The following KIFAP3 variants were observed in gnomAD, a reference collection of about 807,000 sequenced individuals.
KIFAP3 encodes the protein kinesin associated protein 3, also known as kinesin-associated protein 3.
A neutral mutation model predicts 106.5 loss-of-function variants in KIFAP3; 68 were observed. The ratio of observed to expected loss-of-function variants is 0.64; its 90% CI spans 0.53 to 0.78. The LOEUF (loss-of-function observed/expected upper bound fraction) is 0.78, where lower values mean the gene tolerates loss of function less well. Ranked by LOEUF, KIFAP3 falls within the 30% of genes least tolerant of loss-of-function variation. The probability of loss-of-function intolerance (pLI) is 0.00; values close to 1 mark genes in which losing one functional copy is unlikely to be tolerated. For synonymous variants in KIFAP3, 320 were observed against 311.5 expected (o/e 1.03, Z -0.29); for missense variants, 780 against 941.8 (o/e 0.83, Z 2.25).
At chr1:169,980,658 T>G (rs1435204709) in intron 15 of KIFAP3, among the ~76,000 whole-genome samples, 1 of 152,172 alleles carries the variant, frequency 6.6e-6, no homozygotes, top group African/African-American at 2.4e-5. Context: ...AACTAAGAAA[T>G]TTCAGAGGAC....
At chr1:169,983,014 A>G in intron 13 of KIFAP3, 147 bp from the exon 14 acceptor site, 1 of 588,748 alleles carries the variant, frequency 1.7e-6, no homozygotes, top group South Asian at 5.4e-5. Flanking sequence ...CTAAATTGCT[A>G]AAGAAGCCTA....
At chr1:170,002,240 T>A (rs1667701161) in intron 10 of KIFAP3, among the ~76,000 whole-genome samples, 1 of 152,158 alleles carries the variant, frequency 6.6e-6, no homozygotes, top group Non-Finnish European at 1.5e-5. Flanking sequence ...CAAACCCATA[T>A]TACCTAAATG....
intron 10 of KIFAP3, among the ~76,000 whole-genome samples, chr1:170,013,750 T>C (rs535563710): frequency 6.6e-6 from 1 of 152,262 alleles, no homozygotes; most frequent in East Asian, 1.9e-4. Flanking sequence ...TTCTTGCTCA[T>C]CAATGTTCCA....
intron 19 of KIFAP3, among the ~76,000 whole-genome samples, chr1:169,924,114 T>C (rs777157221): frequency 2.3e-4 from 35 of 152,370 alleles, no homozygotes; most frequent in Non-Finnish European, 3.8e-4. Flanking sequence ...ATAACTTTCA[T>C]TGTACATTAA....
Position 169,961,306 on chromosome 1 carries a change from A to G in KIFAP3, c.1984-71T>C, listed in dbSNP as rs528387749. 2,493 of 1,238,364 alleles carry G rather than the reference A, an allele frequency of 2.0e-3. 5 individuals are homozygous for G. Among genetic ancestry groups the G allele is most frequent in the Non-Finnish European group, 2.2e-3 (1,878 of 868,536 alleles). The allele number at this position is 1,238,364 out of a possible 1,614,324, so 76.7% of individuals were successfully genotyped here. A position where few individuals can be genotyped will look rare whatever the true frequency, so the allele number is the denominator to read the frequency against. Reference sequence around the variant, plus strand: ...TTGGCACTCAGACGGCAATATTTTTATCTCTTGAGAATTTTGGGGGCCCTT... The same window carrying G: ...TTGGCACTCAGACGGCAATATTTTTGTCTCTTGAGAATTTTGGGGGCCCTT... On this transcript the variant is annotated intron_variant, in intron 17 of 19. Transcript: ENST00000361580.
chr1:169,983,489 A>C (rs1666638497), intron 12 of KIFAP3, 107 bp from the exon 13 acceptor site: 1 of 696,880 alleles, frequency 1.4e-6, no homozygotes. Flanking sequence ...AAAATGCATA[A>C]CTCTTAAGGG....
chr1:170,059,199 A>G (rs182818421), intron 1 of KIFAP3, among the ~76,000 whole-genome samples: 3 of 151,134 alleles, frequency 2.0e-5, no homozygotes, highest in Non-Finnish European at 4.5e-5. Context: ...TAGAGACACA[A>G]AAAAAATCAA....
At chr1:169,940,340 A>G (rs1664040967) in intron 19 of KIFAP3, among the ~76,000 whole-genome samples, 1 of 152,214 alleles carries the variant, frequency 6.6e-6, no homozygotes, top group Non-Finnish European at 1.5e-5. Context: ...CTCACTAAAT[A>G]TATTTCAATA....
At chr1:169,998,226 A>T (rs148062382) in intron 10 of KIFAP3, among the ~76,000 whole-genome samples, 13 of 152,224 alleles carry the variant, frequency 8.5e-5, no homozygotes, top group African/African-American at 2.9e-4. Flanking sequence ...GTCTGAGGAC[A>T]CTGAAGAGAA....
chr1:169,985,641 G>A (rs1267130052), intron 11 of KIFAP3, among the ~76,000 whole-genome samples: 1 of 151,882 alleles, frequency 6.6e-6, no homozygotes, highest in African/African-American at 2.4e-5. Flanking sequence ...ATAAACACAG[G>A]CCTGAGTTTA....
chr1:169,946,009 GTCTC>G (rs1664422861), intron 19 of KIFAP3, among the ~76,000 whole-genome samples: 1 of 152,262 alleles, frequency 6.6e-6, no homozygotes, highest in Middle Eastern at 3.4e-3. Context: ...GAAAGAAGCT[GTCTC>G]TCTAAGAAGT....
At chr1:170,020,438 A>G (rs1478683151) in intron 9 of KIFAP3, among the ~76,000 whole-genome samples, 1 of 152,080 alleles carries the variant, frequency 6.6e-6, no homozygotes, top group Non-Finnish European at 1.5e-5. Context: ...AATAGAGGCA[A>G]ACATATATGG....
intron 9 of KIFAP3, among the ~76,000 whole-genome samples, chr1:170,019,314 C>T (rs1668686026): frequency 6.6e-6 from 1 of 152,030 alleles, no homozygotes. Context: ...AGAAGGGATG[C>T]TTCCCAGTTC....
upstream of KIFAP3, among the ~76,000 whole-genome samples, chr1:170,075,208 T>G (rs1464572422): frequency 2.6e-5 from 4 of 152,228 alleles, no homozygotes; most frequent in Admixed American, 2.6e-4. Flanking sequence ...TCAAGGTATG[T>G]TTAGAATTGC....
chr1:170,059,015 A>G (rs1670995357), intron 1 of KIFAP3, among the ~76,000 whole-genome samples: 1 of 152,210 alleles, frequency 6.6e-6, no homozygotes, highest in Non-Finnish European at 1.5e-5. Context: ...GACACATTTA[A>G]AGCAGCATGT....
chr1:169,987,761 C>T (rs766794172), intron 11 of KIFAP3, among the ~76,000 whole-genome samples: 15 of 152,146 alleles, frequency 9.9e-5, no homozygotes, highest in Admixed American at 3.9e-4. Flanking sequence ...TTAAATAACA[C>T]CATGACATCA....
intron 9 of KIFAP3, among the ~76,000 whole-genome samples, chr1:170,020,310 T>C (rs966486454): frequency 1.3e-5 from 2 of 151,982 alleles, no homozygotes; most frequent in Non-Finnish European, 2.9e-5. Context: ...AATACCAACA[T>C]TGGCAGCCTC....
chr1:170,017,252 T>C (rs1668568779), intron 9 of KIFAP3, among the ~76,000 whole-genome samples: 1 of 64,218 alleles, frequency 1.6e-5, no homozygotes, highest in Non-Finnish European at 2.7e-5. Flanking sequence ...AGAGAGACTG[T>C]CTCAAAAAAA....
intron 1 of KIFAP3, among the ~76,000 whole-genome samples, chr1:170,065,722 A>G (rs1398394084): frequency 7.9e-5 from 12 of 151,680 alleles, no homozygotes; most frequent in Admixed American, 7.2e-4. Context: ...ACATGGGTCT[A>G]TTTAAAATTA....
Sources: gnomAD v4.1 joint callset for allele counts (sites outside exome capture counted in the v4.1 genomes callset) on GRCh38, gnomAD v4.1.1 for gene constraint, MANE v1.5 for transcripts, NCBI Gene and HGNC (gene_info 2026-07-23, HGNC 2026-07-21) for gene names.